Variants in COL24A1 observed in about 807,000 individuals in gnomAD.
The protein encoded by COL24A1 is collagen type XXIV alpha 1 chain, also known as collagen alpha-1(XXIV) chain.
Under a neutral mutation model 253.9 loss-of-function variants are expected in COL24A1, and 224 were observed. The ratio of observed to expected loss-of-function variants is 0.88; its 90% confidence interval spans 0.79 to 0.99. COL24A1 has a LOEUF of 0.99. Ranked by LOEUF, COL24A1 falls within the 50% of genes least tolerant of loss-of-function variation. The pLI, the probability that COL24A1 is intolerant of heterozygous loss-of-function variation, is 0.00. For synonymous variants in COL24A1, 685 were observed against 673.7 expected, an observed-to-expected ratio of 1.02 and a Z score of -0.26; for missense variants, 2,131 against 2,068.5, an observed-to-expected ratio of 1.03 and a Z score of -0.59.
intron 5 of COL24A1, among the ~76,000 whole-genome samples, chr1:86,094,276 T>C (rs1291065407): frequency 6.6e-6 from 1 of 152,060 alleles, no homozygotes; most frequent in African/African-American, 2.4e-5. Flanking sequence ...AAAGAAAATG[T>C]GGTACTGTAT....
intron 14 of COL24A1, among the ~76,000 whole-genome samples, chr1:86,027,686 AG>A (rs1177697972): frequency 6.9e-6 from 1 of 144,082 alleles, no homozygotes; most frequent in Non-Finnish European, 1.6e-5. Context: ...ACAGTGTAGA[AG>A]GGAAATGTAG....
chr1:86,075,091 T>G (rs113185012), intron 7 of COL24A1, among the ~76,000 whole-genome samples: 17 of 151,888 alleles, frequency 1.1e-4, no homozygotes, highest in African/African-American at 4.1e-4. Flanking sequence ...AAAAAATCAA[T>G]GAATCTAGGA....
At chr1:85,932,802 T>C (rs1318545208) in intron 24 of COL24A1, among the ~76,000 whole-genome samples, 4 of 69,358 alleles carry the variant, frequency 5.8e-5, no homozygotes, top group Admixed American at 3.5e-4. Flanking sequence ...ATGGATGAAA[T>C]TGGAAACCAT....
Position 85,919,810 on chromosome 1 carries a change from G to C in COL24A1, c.2563-8377C>G, listed in dbSNP as rs116101737. On this transcript the variant is annotated intron_variant, in intron 24 of 59. Coordinates refer to ENST00000370571, the MANE Select transcript of COL24A1 (RefSeq NM_152890.7). ...ACATGGGCAAAAATAACTTTCTGTT[G>C]TGTTAAAACAACATAAAATATTTAG... Among the ~76,000 whole-genome samples, 422 of 152,310 alleles carry C rather than the reference G, an allele frequency of 2.8e-3. 3 individuals carry two copies. The highest frequency in any genetic ancestry group is 9.8e-3 in the African/African-American group (409 of 41,576).
chr1:85,786,466 AT>A lies in COL24A1; in HGVS notation c.3952-6del. On this transcript the variant is annotated splice_polypyrimidine_tract_variant and splice_region_variant and intron_variant, in intron 47 of 59. Transcript: ENST00000370571. ...TCCTGGGCCGCCTCTGATGCCCTAA[AT>A]AACACAGATAAGAAATGAAAACTGG... is the stretch of plus-strand genomic sequence containing the variant. 1 of 1,606,574 alleles carries A rather than the reference AT, an allele frequency of 6.2e-7. No homozygotes were observed. The highest frequency in any genetic ancestry group is 8.5e-7 in the Non-Finnish European group (1 of 1,177,016).
intron 13 of COL24A1, among the ~76,000 whole-genome samples, chr1:86,032,856 G>T (rs1698688067): frequency 6.6e-6 from 1 of 152,146 alleles, no homozygotes; most frequent in Admixed American, 6.5e-5. Flanking sequence ...AGTCTTAACA[G>T]ACTTCATGGA....
Position 85,829,346 on chromosome 1 carries a change from G to A in COL24A1, c.3682-5608C>T, listed in dbSNP as rs946866867. On this transcript the variant is annotated intron_variant, in intron 43 of 59. Coordinates refer to ENST00000370571, the MANE Select transcript of COL24A1 (RefSeq NM_152890.7). ...GGTAACCCGACCTTTCTCTCTGGCT[G>A]CCCTTAACATTTTTTCCTTCATTTC... Among the ~76,000 whole-genome samples the A allele has an allele frequency of 1.7e-4, 25 of 151,412 alleles. 1 individual carries two copies. The highest frequency in any genetic ancestry group is 2.4e-4 in the Non-Finnish European group (16 of 67,804).
At chr1:85,858,252 C>T (rs1403996822) in intron 37 of COL24A1, among the ~76,000 whole-genome samples, 1 of 152,192 alleles carries the variant, frequency 6.6e-6, no homozygotes, top group Non-Finnish European at 1.5e-5. Context: ...CAAAACCTTC[C>T]AAATGACTGT....
Position 85,911,381 on chromosome 1 carries a change from T to C in COL24A1, c.2615A>G (p.Lys872Arg), listed in dbSNP as rs1441341021. Residue 872 changes from lysine to arginine, a missense_variant and splice_region_variant, in exon 25 of 60, where the codon AAG becomes AGG. Physicochemically the swap from Lys to Arg is conservative, Grantham distance 26. Transcript: ENST00000370571. Reference protein sequence around the residue: ...EVGMTGSIGEKGERGSPGPLG... With the variant: ...EVGMTGSIGERGERGSPGPLG... ...ACAAAATAATTCTTAAAAAATTACC[T>C]TTTCGCCAATGCTTCCAGTCATCCC... 1 of 1,611,104 alleles carries C rather than the reference T, an allele frequency of 6.2e-7. No homozygotes were observed. Among genetic ancestry groups the C allele is most frequent in the Non-Finnish European group, 8.5e-7 (1 of 1,178,546 alleles).
chr1:86,124,932 CT>C lies in COL24A1; in HGVS notation c.1403del (p.Glu468GlyfsTer11), dbSNP rs1557722499. The C allele has an allele frequency of 7.4e-6, 12 of 1,611,944 alleles. 1 individual carries two copies. The South Asian group carries it at 1.3e-4, about 18-fold the overall frequency. ...CCTCATAATAATAATAATCATAAAG[CT>C]CAGTTTCATAGCTATTTTCGATGGG... ...TYPIENSYETELYDYYYYEDL... is the reference protein window; with the variant it reads ...TYPIENSYETXLYDYYYYEDL... On this transcript the variant is annotated frameshift_variant, in exon 3 of 60. Coordinates refer to ENST00000370571, the MANE Select transcript of COL24A1 (RefSeq NM_152890.7). LOFTEE classifies it high-confidence loss of function.
chr1:85,986,886 T>C (rs1167844891), intron 20 of COL24A1, among the ~76,000 whole-genome samples: 3 of 151,926 alleles, frequency 2.0e-5, no homozygotes, highest in Non-Finnish European at 4.4e-5. Context: ...TACATGTGAA[T>C]TCATAATGCT....
chr1:85,746,570 C>T (rs911809304), intron 55 of COL24A1, among the ~76,000 whole-genome samples: 8 of 151,824 alleles, frequency 5.3e-5, no homozygotes, highest in Non-Finnish European at 1.0e-4. Flanking sequence ...GAAAAGTGCA[C>T]GAAACTATGA....
At chr1:86,052,566 G>T (rs1700388476) in intron 10 of COL24A1, among the ~76,000 whole-genome samples, 2 of 152,028 alleles carry the variant, frequency 1.3e-5, no homozygotes, top group African/African-American at 2.4e-5. Flanking sequence ...AATGGTGGTT[G>T]CCAGGGACTG....
intron 47 of COL24A1, among the ~76,000 whole-genome samples, chr1:85,816,148 A>G (rs1179462634): frequency 6.6e-6 from 1 of 152,178 alleles, no homozygotes; most frequent in African/African-American, 2.4e-5. Context: ...TAACACAGCA[A>G]TGCTCCTTAG....
intron 1 of COL24A1, among the ~76,000 whole-genome samples, chr1:86,147,338 T>C (rs1352057006): frequency 6.6e-6 from 1 of 152,208 alleles, no homozygotes; most frequent in Non-Finnish European, 1.5e-5. Context: ...TAAAATGGTA[T>C]TTATCCTTTG....
rs1362365083 is a variant in COL24A1, at chr1:85,784,170, C to A, written c.4168-4G>T. On this transcript the variant is annotated splice_region_variant and splice_polypyrimidine_tract_variant and intron_variant, in intron 49 of 59. Transcript: ENST00000370571. Reference sequence around the variant, plus strand: ...AACCTTGAACACCATATTCTCCCTGCAAAGTGAATTGACATGATAATAATT... The same window carrying A: ...AACCTTGAACACCATATTCTCCCTGAAAAGTGAATTGACATGATAATAATT... 16 of 1,613,460 alleles carry A rather than the reference C, an allele frequency of 9.9e-6. No homozygotes were observed. Among genetic ancestry groups the A allele is most frequent in the Non-Finnish European group, 1.4e-5 (16 of 1,179,634 alleles).
At chr1:86,096,234 CTTT>C (rs943333901) in intron 5 of COL24A1, among the ~76,000 whole-genome samples, 28 of 152,148 alleles carry the variant, frequency 1.8e-4, no homozygotes, top group African/African-American at 6.7e-4. Context: ...GATAACACAA[CTTT>C]TGAGTGAATT....
At chr1:86,097,472 TC>T (rs1704007980) in intron 5 of COL24A1, among the ~76,000 whole-genome samples, 1 of 30,766 alleles carries the variant, frequency 3.3e-5, no homozygotes, top group African/African-American at 1.0e-4. Flanking sequence ...TCCCTCCTCC[TC>T]CTCCCTCCTC....
At chr1:86,086,651 T>C (rs12723978) in intron 7 of COL24A1, among the ~76,000 whole-genome samples, 6,873 of 152,122 alleles carry the variant, frequency 0.045, 185 homozygotes, top group Middle Eastern at 0.089. Flanking sequence ...GTAGAAATCA[T>C]TGTAGGAACA....
Sources: allele counts gnomAD v4.1 joint callset (sites outside exome capture counted in the v4.1 genomes callset), GRCh38; gene constraint gnomAD v4.1.1; transcripts MANE v1.5; gene names NCBI Gene and HGNC (gene_info 2026-07-23, HGNC 2026-07-21).